Variants in KCNH3 observed in about 807,000 individuals in gnomAD.
KCNH3 encodes potassium voltage-gated channel subfamily H member 3, also known as voltage-gated inwardly rectifying potassium channel KCNH3.
KCNH3 carries 36 observed loss-of-function variants against 95.6 expected under a neutral mutation model. The observed-to-expected ratio is 0.38, with a 90% confidence interval of 0.29 to 0.50. The LOEUF is 0.50. Among genes scored for constraint, KCNH3 ranks in the 20% least tolerant of loss-of-function variants. The probability of loss-of-function intolerance (pLI) is 0.95; values close to 1 mark genes in which losing one functional copy is unlikely to be tolerated. For missense variants in KCNH3, 1,030 were observed against 1,484.1 expected (o/e 0.69, Z 5.03); for synonymous variants, 620 against 646.3 (o/e 0.96, Z 0.62).
intron 7 of KCNH3, among the ~76,000 whole-genome samples, chr12:49,548,628 C>T (rs1267496963): frequency 6.6e-6 from 1 of 152,156 alleles, no homozygotes; most frequent in African/African-American, 2.4e-5. Context: ...TCCGACTGGG[C>T]CCGTTACCTG....
intron 8 of KCNH3, 25 bp from the exon 9 acceptor site, chr12:49,549,416 A>AC (rs746655947): frequency 6.2e-7 from 1 of 1,610,084 alleles, no homozygotes; most frequent in South Asian, 1.1e-5. Flanking sequence ...CCCCTAGGTG[A>AC]CCCCCTCTCG....
At position 49,554,511 on chromosome 12, in the gene KCNH3, G is replaced by A; in HGVS notation, c.2093G>A (p.Gly698Glu). The change falls in exon 11 of 15, where the codon GGG becomes GAG. Residue 698 changes from glycine (G) to glutamate (E), a missense_variant. Transcript: ENST00000257981. ...FAPRFSRGLR[G>E]ELSYNLGAGG... ...CCGCGCTTCAGTCGTGGCCTCCGAGGGGAGCTCAGCTACAACCTGGGTGCT... is the reference window on the plus strand; with the variant it reads ...CCGCGCTTCAGTCGTGGCCTCCGAGAGGAGCTCAGCTACAACCTGGGTGCT... 1 of 1,613,676 alleles carries A rather than the reference G, an allele frequency of 6.2e-7. No homozygotes were observed. The highest frequency in any genetic ancestry group is 8.5e-7 in the Non-Finnish European group (1 of 1,179,896).
Position 49,549,632 on chromosome 12 carries a change from A to C in KCNH3, c.1660A>C (p.Thr554Pro), listed in dbSNP as rs749559895. Reference sequence around the variant, plus strand: ...CTGGGCGGTGAACAATGGCATCGACACCACCGAGGTGCGGCCTCCGGGGCT... The same window carrying C: ...CTGGGCGGTGAACAATGGCATCGACCCCACCGAGGTGCGGCCTCCGGGGCT... The part of the protein sequence containing the change: ...ATWAVNNGID[T>P]TELLQSLPDE... The change falls in exon 9 of 15, where the codon ACC (threonine) becomes CCC (proline). Residue 554 changes from threonine to proline, a missense_variant. Around this residue, in one of 9 missense-constraint regions of KCNH3, gnomAD observed 160 missense variants for 316.2 expected, o/e 0.51. Transcript: ENST00000257981. 4 of 1,608,788 alleles carry C rather than the reference A, an allele frequency of 2.5e-6. No individual in the cohort carries two copies. Among genetic ancestry groups the C allele is most frequent in the Non-Finnish European group, 2.5e-6 (3 of 1,179,846 alleles).
rs1457419966 is a variant in KCNH3 at position 49,543,491 on chromosome 12, C to T, written c.796C>T (p.Leu266=). ...AARGPPSVCD[L]AVEVLFILDI... ...CCGCGGCCCGCCCAGCGTCTGTGAC[C>T]TGGCCGTGGAGGTCCTCTTCATCCT... Residue 266 remains leucine, a synonymous_variant, in exon 5 of 15, where the codon CTG becomes TTG. Transcript: ENST00000257981. The T allele has an allele frequency of 6.3e-7, 1 of 1,599,282 alleles. No homozygotes were observed. The highest frequency in any genetic ancestry group is 2.2e-5 in the East Asian group (1 of 44,818).
Position 49,558,245 on chromosome 12 carries a change from C to A in KCNH3, c.*292C>A. The A allele has an allele frequency of 2.5e-6, 1 of 396,862 alleles. No individual in the cohort carries two copies. Among genetic ancestry groups the A allele is most frequent in the Non-Finnish European group, 4.4e-6 (1 of 225,998 alleles). 24.6% of individuals were successfully genotyped at this position (396,862 alleles called of 1,614,324 possible). ...AGCTTTGCCATCCCCTGCATGTGCC[C>A]CTGCCTCTACCTGTCCCCAAATTTT... is the stretch of plus-strand genomic sequence containing the variant. On this transcript the variant is annotated 3_prime_UTR_variant, in exon 15 of 15. Transcript: ENST00000257981.
At position 49,544,381 on chromosome 12, in the gene KCNH3, T is replaced by G; in HGVS notation, c.1188T>G (p.Ile396Met). Residue 396 changes from isoleucine (I) to methionine (M), a missense_variant and splice_region_variant, in exon 7 of 15, where the codon ATT (isoleucine) becomes ATG (methionine). Around this residue, in one of 9 missense-constraint regions of KCNH3, gnomAD observed 153 missense variants for 288.5 expected, o/e 0.53. Transcript: ENST00000257981. Reference protein sequence around the residue: ...IESSESELPEIGWLQELARRL... With the variant: ...IESSESELPEMGWLQELARRL... ...GCAGCGAATCCGAGCTGCCTGAGATTGGTACTGGAGGCTCCCTCTGCATGT... is the reference window on the plus strand; with the variant it reads ...GCAGCGAATCCGAGCTGCCTGAGATGGGTACTGGAGGCTCCCTCTGCATGT... 1 of 1,612,764 alleles carries G rather than the reference T, an allele frequency of 6.2e-7. No individual in the cohort carries two copies. Among genetic ancestry groups the G allele is most frequent in the East Asian group, 2.2e-5 (1 of 44,884 alleles).
In KCNH3 at chr12:49,555,694, G is replaced by A. The variant is rs772171285; in HGVS notation, c.2211G>A (p.Gln737=). ...TLEEKETDGE[Q]GPTVSPAPAD... ...AGGAGAAGGAGACAGATGGGGAGCAGGGCCCCACGGTCTCCCCAGCCCCAG... is the reference window on the plus strand; with the variant it reads ...AGGAGAAGGAGACAGATGGGGAGCAAGGCCCCACGGTCTCCCCAGCCCCAG... The change falls in exon 12 of 15, where the codon CAG becomes CAA. Residue 737 remains glutamine (Q), a synonymous_variant. Coordinates refer to ENST00000257981, the MANE Select transcript of KCNH3 (RefSeq NM_012284.3). 1.2e-6 allele frequency: 2 copies of A among 1,609,460 alleles called. No homozygotes were observed. The highest frequency in any genetic ancestry group is 2.2e-5 in the East Asian group (1 of 44,736).
chr12:49,542,604 C>G (rs1937907861), intron 3 of KCNH3, 102 bp from the exon 4 acceptor site: 2 of 1,350,606 alleles, frequency 1.5e-6, no homozygotes, highest in Admixed American at 5.4e-5. Context: ...GGTCAATGAG[C>G]CAGACCAGTC....
chr12:49,542,635 C>G, intron 3 of KCNH3, 71 bp from the exon 4 acceptor site: 1 of 1,494,836 alleles, frequency 6.7e-7, no homozygotes, highest in Non-Finnish European at 8.9e-7. Context: ...CAACTGTGTC[C>G]TACACCTGAC....
Position 49,549,267 on chromosome 12 carries a change from G to C in KCNH3, c.1468+94G>C, listed in dbSNP as rs1009796377. 4.1e-6 allele frequency: 6 copies of C among 1,479,822 alleles called. No individual in the cohort carries two copies. The Admixed American group carries it at 6.3e-5, about 16-fold the overall frequency. The allele number at this position is 1,479,822 out of a possible 1,614,324, so 91.7% of individuals were successfully genotyped here. ...CTCCCCGGAGGGCCTGAGGCCGGGG[G>C]CTCTTCCGCTTTAGGTGGCCGCGGA... On this transcript the variant is annotated intron_variant, in intron 8 of 14. Coordinates refer to ENST00000257981, the MANE Select transcript of KCNH3 (RefSeq NM_012284.3).
At chr12:49,544,138 ACCTCCCTCCCTC>A (rs145700366) in intron 6 of KCNH3, 25 bp from the exon 7 acceptor site, 37 of 1,529,818 alleles carry the variant, frequency 2.4e-5, no homozygotes, top group East Asian at 9.4e-5. Context: ...CGGCCCGCTG[ACCTCCCTCCCTC>A]CCTCCCTCCC....
rs759327842 is a variant in KCNH3 at position 49,544,119 on chromosome 12, A to G, written c.981+47A>G. ...GGGTGGGTGGGCTTGGCCAGGGGACAGGCAGGGCCGGCCCGCTGACCTCCC... is the reference window on the plus strand; with the variant it reads ...GGGTGGGTGGGCTTGGCCAGGGGACGGGCAGGGCCGGCCCGCTGACCTCCC... On this transcript the variant is annotated intron_variant, in intron 6 of 14. Transcript: ENST00000257981. 5.6e-6 allele frequency: 9 copies of G among 1,605,278 alleles called. No individual in the cohort carries two copies. The Admixed American group carries it at 8.4e-5, about 15-fold the overall frequency.
intron 7 of KCNH3, among the ~76,000 whole-genome samples, chr12:49,548,692 G>A (rs1420400550): frequency 6.6e-6 from 1 of 152,198 alleles, no homozygotes; most frequent in Non-Finnish European, 1.5e-5. Flanking sequence ...GTCATCCTCA[G>A]TGCCAATAGG....
rs772073611 is a variant in KCNH3 at position 49,557,398 on chromosome 12, G to T, written c.2697G>T (p.Leu899=). Residue 899 remains leucine, a synonymous_variant, in exon 15 of 15, where the codon CTG becomes CTT. Transcript: ENST00000257981. The part of the protein sequence containing the change: ...SEQVLQMREG[L]QSLRQAVQLV... ...AGGTGCTGCAGATGCGGGAAGGACT[G>T]CAGTCACTTCGCCAGGCTGTGCAGC... 6.2e-7 allele frequency: 1 copy of T among 1,600,494 alleles called. No individual in the cohort carries two copies. The highest frequency in any genetic ancestry group is 1.1e-5 in the South Asian group (1 of 89,754).
chr12:49,543,242 C>T lies in KCNH3; in HGVS notation c.580-33C>T, dbSNP rs371072532. 3.6e-4 allele frequency: 583 copies of T among 1,603,888 alleles called. 2 individuals are homozygous for T. Among genetic ancestry groups the T allele is most frequent in the Non-Finnish European group, 3.8e-4 (444 of 1,175,524 alleles). On this transcript the variant is annotated intron_variant, in intron 4 of 14. Transcript: ENST00000257981. The stretch of plus-strand genomic sequence containing the variant: ...AACTCAGCCTGTGCCAATATTCTTT[C>T]CTCTCTGCCTGGACCTGCCCTGCCT...
chr12:49,549,413 G>A, intron 8 of KCNH3, 28 bp from the exon 9 acceptor site: 1 of 1,610,382 alleles, frequency 6.2e-7, no homozygotes, highest in Non-Finnish European at 8.5e-7. Flanking sequence ...GGTCCCCTAG[G>A]TGACCCCCTC....
At chr12:49,548,534 G>A (rs1938146622) in intron 7 of KCNH3, among the ~76,000 whole-genome samples, 1 of 152,118 alleles carries the variant, frequency 6.6e-6, no homozygotes, top group Non-Finnish European at 1.5e-5. Context: ...GGGCGGAGGT[G>A]GCCTCACCAT....
Position 49,544,022 on chromosome 12 carries a change from G to A in KCNH3, c.931G>A (p.Val311Ile). 1 of 1,613,918 alleles carries A rather than the reference G, an allele frequency of 6.2e-7. No individual in the cohort carries two copies. Among genetic ancestry groups the A allele is most frequent in the Non-Finnish European group, 8.5e-7 (1 of 1,179,758 alleles). ...HYVTTWFLLD[V>I]IAALPFDLLH... ...CGTCACCACCTGGTTCCTGCTGGATGTCATCGCAGCGCTGCCCTTTGACCT... is the reference window on the plus strand; with the variant it reads ...CGTCACCACCTGGTTCCTGCTGGATATCATCGCAGCGCTGCCCTTTGACCT... Residue 311 changes from valine (V) to isoleucine (I), a missense_variant, in exon 6 of 15, where the codon GTC becomes ATC. Physicochemically the swap from Val to Ile is conservative, Grantham distance 29. Around this residue, in one of 9 missense-constraint regions of KCNH3, gnomAD observed 153 missense variants for 288.5 expected, o/e 0.53. Coordinates refer to ENST00000257981, the MANE Select transcript of KCNH3 (RefSeq NM_012284.3).
chr12:49,550,043 T>TTGCCC, intron 9 of KCNH3, 37 bp from the exon 10 acceptor site: 265 of 1,299,360 alleles, frequency 2.0e-4, no homozygotes, highest in Non-Finnish European at 2.7e-4. Flanking sequence ...CTTCTGCCAC[T>TTGCCC]CCCAACCCCC....
Sources: gnomAD v4.1 joint callset for allele counts (sites outside exome capture counted in the v4.1 genomes callset) on GRCh38, gnomAD v4.1.1 for gene constraint, gnomAD v4.1.1 regional missense constraint, MANE v1.5 for transcripts, NCBI Gene and HGNC (gene_info 2026-07-23, HGNC 2026-07-21) for gene names.